The following GRM4 variants were observed in gnomAD, a reference collection of about 807,000 sequenced individuals.
GRM4 encodes glutamate metabotropic receptor 4.
Under a neutral mutation model 81.7 loss-of-function variants are expected in GRM4, and 28 were observed. That is an observed-to-expected ratio of 0.34 (90% confidence interval 0.25 to 0.47). GRM4 has a LOEUF of 0.47. Ranked by LOEUF, GRM4 falls within the 20% of genes least tolerant of loss-of-function variation. The pLI, the probability that GRM4 is intolerant of heterozygous loss-of-function variation, is 1.00. For synonymous variants in GRM4, 488 were observed against 528.8 expected (o/e 0.92, Z 1.06); for missense variants, 948 against 1,290.0 (o/e 0.73, Z 4.06).
chr6:34,084,969 C>G (rs1383727706), intron 3 of GRM4, among the ~76,000 whole-genome samples: 1 of 152,146 alleles, frequency 6.6e-6, no homozygotes, highest in East Asian at 1.9e-4. Context: ...CTGCTGAGCA[C>G]CTACTGTGTG....
At chr6:34,041,913 T>C (rs1415053672) in intron 6 of GRM4, among the ~76,000 whole-genome samples, 1 of 152,246 alleles carries the variant, frequency 6.6e-6, no homozygotes, top group Non-Finnish European at 1.5e-5. Context: ...ATTCACTCAT[T>C]GATTTCTCAC....
In GRM4 at chr6:34,121,939, T is replaced by C; in HGVS notation, c.519+11039A>G. On this transcript the variant is annotated intron_variant, in intron 2 of 10. Coordinates refer to ENST00000538487, the MANE Select transcript of GRM4 (RefSeq NM_000841.4). This position sits in a 1 kb window ranked among gnomAD's most constrained non-coding sequence, Gnocchi z 4.6. The stretch of plus-strand genomic sequence containing the variant: ...AGCAGTGCCAAGACTTGTGGTGGGA[T>C]TGAGGGGCACCCTGAGTCGGAGGGA... Among the ~76,000 whole-genome samples the C allele has an allele frequency of 6.7e-6, 1 of 149,866 alleles. No individual in the cohort carries two copies. The highest frequency in any genetic ancestry group is 2.1e-4 in the East Asian group (1 of 4,746).
In GRM4 at chr6:34,035,013, G is replaced by T. The variant is rs778413313; in HGVS notation, c.2442+655C>A. On this transcript the variant is annotated intron_variant, in intron 9 of 10. Transcript: ENST00000538487. The surrounding 1 kb of genome is among the most constrained non-coding windows in gnomAD (Gnocchi z 6.6). ...CAGCCAAGGGAAGGAAAGGCCCTCT[G>T]CCAGCCCCTAGCCTTTAGGCTTCCA... Among the ~76,000 whole-genome samples the T allele has an allele frequency of 6.6e-6, 1 of 152,228 alleles. No individual in the cohort carries two copies. Among genetic ancestry groups the T allele is most frequent in the Non-Finnish European group, 1.5e-5 (1 of 68,050 alleles).
chr6:34,032,943 T>C (rs1191418618), intron 9 of GRM4, among the ~76,000 whole-genome samples: 1 of 152,170 alleles, frequency 6.6e-6, no homozygotes, highest in African/African-American at 2.4e-5. Flanking sequence ...CTTTACTCCC[T>C]GAGGAGGTGT....
chr6:34,043,156 C>G (rs141118080), intron 6 of GRM4, among the ~76,000 whole-genome samples: 1 of 152,228 alleles, frequency 6.6e-6, no homozygotes, highest in Non-Finnish European at 1.5e-5. Flanking sequence ...TAGACCCCAC[C>G]CCTGCTCCAT....
chr6:34,148,505 G>A (rs1770987148), upstream of GRM4, among the ~76,000 whole-genome samples: 1 of 152,152 alleles, frequency 6.6e-6, no homozygotes, highest in South Asian at 2.1e-4. Context: ...AGGGGACCAT[G>A]CTGTGGGAGA....
At chr6:34,108,374 A>G (rs1318004310) in intron 2 of GRM4, among the ~76,000 whole-genome samples, 6 of 152,082 alleles carry the variant, frequency 3.9e-5, no homozygotes, top group Admixed American at 1.3e-4. Context: ...CTCACCAGAA[A>G]CCTGTTGCAG....
rs1177362825 is a variant in GRM4 at position 34,070,805 on chromosome 6, C to G, written c.737-8777G>C. On this transcript the variant is annotated intron_variant, in intron 3 of 10. Transcript: ENST00000538487. This position sits in a 1 kb window ranked among gnomAD's most constrained non-coding sequence, Gnocchi z 4.6. ...CCACACCCCCAGCCACACACACACA[C>G]ACACACACACACACGGCAATGCACA... 2.4e-5 allele frequency among the ~76,000 whole-genome samples: 3 copies of G among 126,966 alleles called. No homozygotes were observed. The highest frequency in any genetic ancestry group is 4.6e-5 in the Non-Finnish European group (3 of 65,564). The allele number at this position is 126,966 out of a possible 152,430, so 83.3% of individuals were successfully genotyped here. A position where few individuals can be genotyped will look rare whatever the true frequency, so the allele number is the denominator to read the frequency against.
intron 3 of GRM4, chr6:34,091,678 C>T: frequency 1.7e-6 from 1 of 592,216 alleles, no homozygotes; most frequent in South Asian, 2.0e-5. Context: ...AAAGGCCTCA[C>T]AGTCGCCGTT....
chr6:34,056,749 G>A (rs561409058), intron 5 of GRM4, 65 bp from the exon 6 acceptor site: 8 of 1,542,546 alleles, frequency 5.2e-6, no homozygotes, highest in Middle Eastern at 2.2e-4. Flanking sequence ...AGCCCTCCCC[G>A]CCTCCCCCAG....
chr6:34,070,021 A>G lies in GRM4; in HGVS notation c.737-7993T>C, dbSNP rs1177589496. 1.3e-5 allele frequency among the ~76,000 whole-genome samples: 2 copies of G among 152,142 alleles called. No homozygotes were observed. Among genetic ancestry groups the G allele is most frequent in the African/African-American group, 2.4e-5 (1 of 41,430 alleles). On this transcript the variant is annotated intron_variant, in intron 3 of 10. Coordinates refer to ENST00000538487, the MANE Select transcript of GRM4 (RefSeq NM_000841.4). This position sits in a 1 kb window ranked among gnomAD's most constrained non-coding sequence, Gnocchi z 4.6. ...TAATCCACACTTGCTGGACGAATGG[A>G]GAACTGAGTTCCTGACTGACGGGGT...
At chr6:34,087,262 T>C (rs541155079) in intron 3 of GRM4, among the ~76,000 whole-genome samples, 18 of 147,742 alleles carry the variant, frequency 1.2e-4, no homozygotes, top group African/African-American at 4.5e-4. Flanking sequence ...CTACTAAATA[T>C]ACAAAAATTA....
At chr6:34,061,427 C>T (rs2451361) in intron 4 of GRM4, 101,557 of 153,114 alleles carry the variant, frequency 0.66, 34,449 homozygotes, top group African/African-American at 0.81. Context: ...GCCTATTTCA[C>T]GCCAGACCTT....
rs983595105 is a variant in GRM4, at chr6:34,047,228, CT to C, written c.1169-6481del. 2.0e-5 allele frequency among the ~76,000 whole-genome samples: 3 copies of C among 152,140 alleles called. No individual in the cohort carries two copies. Among genetic ancestry groups the C allele is most frequent in the African/African-American group, 7.2e-5 (3 of 41,418 alleles). Reference sequence around the variant, plus strand: ...GCCCCTGCTGGATGACACCCCACCCCTGGAGGCCTCCCCTCCATCCTGTCTG... The same window carrying C: ...GCCCCTGCTGGATGACACCCCACCCCGGAGGCCTCCCCTCCATCCTGTCTG... On this transcript the variant is annotated intron_variant, in intron 6 of 10. Coordinates refer to ENST00000538487, the MANE Select transcript of GRM4 (RefSeq NM_000841.4). The surrounding 1 kb of genome is among the most constrained non-coding windows in gnomAD (Gnocchi z 4.5).
chr6:34,052,350 G>C (rs546055514), intron 6 of GRM4, among the ~76,000 whole-genome samples: 1 of 152,320 alleles, frequency 6.6e-6, no homozygotes, highest in African/African-American at 2.4e-5. Flanking sequence ...TCCTAAATCA[G>C]CTACTTGCTA....
exon 1 of GRM4, chr6:34,155,221 CACACACACCGGCAAAATCCAAAGG>C: frequency 6.5e-7 from 1 of 1,535,596 alleles, no homozygotes; most frequent in Non-Finnish European, 8.7e-7. Context: ...TGTGCGCACC[CACACACACCGGCAAAATCCAAAGG>C]ACCTGGGCGG....
At chr6:34,103,746 G>A (rs1561815060) in intron 2 of GRM4, 5 of 1,489,622 alleles carry the variant, frequency 3.4e-6, no homozygotes. Flanking sequence ...CCATAGGTGA[G>A]AAGCTGCCTC....
chr6:34,136,791 C>G lies in GRM4; in HGVS notation c.-363-2932G>C, dbSNP rs952291534. 1.3e-5 allele frequency among the ~76,000 whole-genome samples: 2 copies of G among 152,162 alleles called. No individual in the cohort carries two copies. Among genetic ancestry groups the G allele is most frequent in the African/African-American group, 4.8e-5 (2 of 41,428 alleles). On this transcript the variant is annotated intron_variant, in intron 1 of 10. Coordinates refer to ENST00000538487, the MANE Select transcript of GRM4 (RefSeq NM_000841.4). This position sits in a 1 kb window ranked among gnomAD's most constrained non-coding sequence, Gnocchi z 4.1. ...CACCCCTCAGTCCCACCAGGCCTGC[C>G]TTTTCTGAGCTTCTCCAGAGAGCTG... is the stretch of plus-strand genomic sequence containing the variant.
At chr6:34,135,977 G>A (rs768803399) in intron 1 of GRM4, among the ~76,000 whole-genome samples, 10 of 152,192 alleles carry the variant, frequency 6.6e-5, no homozygotes, top group African/African-American at 1.2e-4. Context: ...CTACTAGCCC[G>A]TGTGCAGGCA....
Sources: allele counts gnomAD v4.1 joint callset (sites outside exome capture counted in the v4.1 genomes callset), GRCh38; gene constraint gnomAD v4.1.1; non-coding constraint Gnocchi (gnomAD v3.1); transcripts MANE v1.5; gene names NCBI Gene and HGNC (gene_info 2026-07-23, HGNC 2026-07-21).